The following DENND1A variants were observed in gnomAD, a reference collection of about 807,000 sequenced individuals.
DENND1A encodes DENN domain-containing protein 1A.
In DENND1A, 51 loss-of-function variants were observed where a neutral mutation model predicts 113.7. The ratio of observed to expected loss-of-function variants is 0.45; its 90% confidence interval spans 0.36 to 0.57. The LOEUF (loss-of-function observed/expected upper bound fraction) is 0.57, where lower values mean the gene tolerates loss of function less well. Ranked by LOEUF, DENND1A falls within the 20% of genes least tolerant of loss-of-function variation. The pLI is 0.00. For synonymous variants in DENND1A, 565 were observed against 570.8 expected (o/e 0.99, Z 0.14); for missense variants, 1,258 against 1,395.9 (o/e 0.90, Z 1.57).
At chr9:123,730,168 T>G (rs1426127592) in intron 5 of DENND1A, among the ~76,000 whole-genome samples, 1 of 152,204 alleles carries the variant, frequency 6.6e-6, no homozygotes, top group Non-Finnish European at 1.5e-5. Flanking sequence ...GAATAAAGTC[T>G]AGACAATACC....
chr9:123,553,143 G>A (rs971773162), intron 13 of DENND1A, among the ~76,000 whole-genome samples: 2 of 152,174 alleles, frequency 1.3e-5, no homozygotes, highest in Non-Finnish European at 2.9e-5. Flanking sequence ...TGTAGTCCCA[G>A]CTAGCTGGGA....
At chr9:123,678,715 T>C (rs1218174701) in intron 5 of DENND1A, among the ~76,000 whole-genome samples, 2 of 152,244 alleles carry the variant, frequency 1.3e-5, no homozygotes, top group Non-Finnish European at 2.9e-5. Flanking sequence ...TATCAAAATA[T>C]ACTGATAAGC....
intron 1 of DENND1A, among the ~76,000 whole-genome samples, chr9:123,919,529 T>C (rs1855833754): frequency 2.6e-5 from 4 of 151,800 alleles, no homozygotes; most frequent in South Asian, 2.1e-4. Flanking sequence ...GAAAATGTTA[T>C]GTTTTTTAAA....
At chr9:123,830,938 A>G (rs1371630865) in intron 2 of DENND1A, among the ~76,000 whole-genome samples, 1 of 150,634 alleles carries the variant, frequency 6.6e-6, no homozygotes, top group Non-Finnish European at 1.5e-5. Flanking sequence ...CATCAATCTC[A>G]TTAAACATTA....
intron 10 of DENND1A, among the ~76,000 whole-genome samples, chr9:123,617,228 G>C (rs777305879): frequency 3.3e-5 from 5 of 152,186 alleles, no homozygotes; most frequent in Non-Finnish European, 5.9e-5. Flanking sequence ...AGAGGATGAC[G>C]ATCCATGAGG....
intron 1 of DENND1A, among the ~76,000 whole-genome samples, chr9:123,889,888 G>A (rs890561500): frequency 3.3e-5 from 5 of 151,838 alleles, no homozygotes; most frequent in African/African-American, 4.8e-5. Flanking sequence ...CAGGAGAATC[G>A]CTTGAACCTG....
intron 4 of DENND1A, among the ~76,000 whole-genome samples, chr9:123,760,365 G>A (rs1017289835): frequency 9.2e-5 from 14 of 152,104 alleles, no homozygotes; most frequent in Non-Finnish European, 1.6e-4. Context: ...CAATACAAAG[G>A]TCAATGGACT....
Position 123,485,238 on chromosome 9 carries a change from G to A in DENND1A, c.994-27341C>T, listed in dbSNP as rs117258718. 1.1e-3 allele frequency among the ~76,000 whole-genome samples: 172 copies of A among 152,282 alleles called. 3 individuals carry two copies. The East Asian group carries it at 0.023, about 20-fold the overall frequency. Reference sequence around the variant, plus strand: ...GCTTTGAAAGAGTTAAAATCTGCTCGTGATTATAAACAAGCTCCATTTCAG... The same window carrying A: ...GCTTTGAAAGAGTTAAAATCTGCTCATGATTATAAACAAGCTCCATTTCAG... On this transcript the variant is annotated intron_variant, in intron 13 of 23. Coordinates refer to ENST00000394215, the MANE Select transcript of DENND1A (RefSeq NM_001352964.2).
intron 3 of DENND1A, among the ~76,000 whole-genome samples, chr9:123,772,077 T>A (rs1005452680): frequency 6.6e-5 from 10 of 152,186 alleles, no homozygotes; most frequent in African/African-American, 2.4e-4. Flanking sequence ...AACTGAGGTA[T>A]CTACTTCTTA....
chr9:123,500,537 C>CA (rs1439844299), intron 13 of DENND1A, among the ~76,000 whole-genome samples: 1 of 152,224 alleles, frequency 6.6e-6, no homozygotes, highest in African/African-American at 2.4e-5. Flanking sequence ...CCACTGTTGA[C>CA]ATAACACCTG....
chr9:123,796,098 T>C (rs1833714622), intron 2 of DENND1A, among the ~76,000 whole-genome samples: 1 of 152,188 alleles, frequency 6.6e-6, no homozygotes, highest in Non-Finnish European at 1.5e-5. Flanking sequence ...GAAAAAAATA[T>C]TGTATTTAAA....
chr9:123,696,120 A>G (rs2140495587), intron 5 of DENND1A, among the ~76,000 whole-genome samples: 1 of 152,322 alleles, frequency 6.6e-6, no homozygotes, highest in Middle Eastern at 3.4e-3. Flanking sequence ...GACATATTTG[A>G]ATGCATGTTG....
rs1459689380 is a variant in DENND1A at position 123,382,301 on chromosome 9, G to A, written c.2344C>T (p.Pro782Ser). Residue 782 changes from proline (P) to serine (S), a missense_variant, in exon 24 of 24, where the codon CCG (proline) becomes TCG (serine). Transcript: ENST00000394215. The stretch of plus-strand genomic sequence containing the variant: ...GCGCCGGCAGCCTGGAGCTTGGCCG[G>A]GCGGGGAATGGGCGGTGGAGGCACG... ...GIVPPPPIPR[P>S]AKLQAAGAAL... 6.2e-7 allele frequency: 1 copy of A among 1,610,886 alleles called. No homozygotes were observed. Among genetic ancestry groups the A allele is most frequent in the East Asian group, 2.2e-5 (1 of 44,858 alleles).
At chr9:123,692,880 C>T (rs959792308) in intron 5 of DENND1A, among the ~76,000 whole-genome samples, 4 of 152,148 alleles carry the variant, frequency 2.6e-5, no homozygotes, top group Admixed American at 2.6e-4. Flanking sequence ...GGCATTATTT[C>T]TATTCCTCAC....
At position 123,609,493 on chromosome 9, in the gene DENND1A, AAC is replaced by A; in HGVS notation, c.720-14_720-13del. 1.2e-6 allele frequency: 2 copies of A among 1,612,424 alleles called. No individual in the cohort carries two copies. The highest frequency in any genetic ancestry group is 1.7e-6 in the Non-Finnish European group (2 of 1,179,210). On this transcript the variant is annotated splice_polypyrimidine_tract_variant and intron_variant, in intron 10 of 23. Coordinates refer to ENST00000394215, the MANE Select transcript of DENND1A (RefSeq NM_001352964.2). ...AGGGCATGGGAGCACTGTGAAGAGAAACAGAGACACACAGCTGCTTTAATGTC... is the reference window on the plus strand; with the variant it reads ...AGGGCATGGGAGCACTGTGAAGAGAAAGAGACACACAGCTGCTTTAATGTC...
intron 10 of DENND1A, among the ~76,000 whole-genome samples, chr9:123,619,666 G>T (rs2060839991): frequency 6.6e-6 from 1 of 152,096 alleles, no homozygotes. Context: ...CAAGCAATCT[G>T]CCCACCTCCC....
chr9:123,869,406 C>T (rs535234723), intron 2 of DENND1A, among the ~76,000 whole-genome samples: 2 of 152,280 alleles, frequency 1.3e-5, no homozygotes, highest in East Asian at 3.9e-4. Flanking sequence ...TCTCATTAGG[C>T]TCACCTCCAG....
At chr9:123,672,554 C>CATG (rs2063818408) in intron 6 of DENND1A, among the ~76,000 whole-genome samples, 1 of 152,190 alleles carries the variant, frequency 6.6e-6, no homozygotes. Context: ...CCCAAAAGTT[C>CATG]ATGTGTTGAC....
At position 123,929,990 on chromosome 9, in the gene DENND1A, C is replaced by T. The variant is rs1249692380; in HGVS notation, c.-85G>A. ...CCGCGGCCGACCGGCCTCCCTCTGG[C>T]GCTCTCCCCGCCCCTTCCTCCCTTC... is the stretch of plus-strand genomic sequence containing the variant. On this transcript the variant is annotated 5_prime_UTR_variant, in exon 1 of 24. Transcript: ENST00000394215. The T allele has an allele frequency of 1.1e-5, 3 of 268,022 alleles. No homozygotes were observed. The highest frequency in any genetic ancestry group is 6.9e-6 in the Non-Finnish European group (1 of 145,746). 16.6% of individuals were successfully genotyped at this position (268,022 alleles called of 1,614,324 possible).
Sources: allele counts gnomAD v4.1 joint callset (sites outside exome capture counted in the v4.1 genomes callset), GRCh38; gene constraint gnomAD v4.1.1; transcripts MANE v1.5; gene names NCBI Gene and HGNC (gene_info 2026-07-23, HGNC 2026-07-21).